Variants in CERS6 observed in about 807,000 individuals in gnomAD.
CERS6 encodes LAG1 homolog, ceramide synthase 6.
Under a neutral mutation model 56.8 loss-of-function variants are expected in CERS6, and 26 were observed. That is an observed-to-expected ratio of 0.46 (90% confidence interval 0.34 to 0.63). The LOEUF (loss-of-function observed/expected upper bound fraction) is 0.63, where lower values mean the gene tolerates loss of function less well. Ranked by LOEUF, CERS6 falls within the 30% of genes least tolerant of loss-of-function variation. The pLI is 0.01. For synonymous variants in CERS6, 164 were observed against 173.3 expected (o/e 0.95, Z 0.42); for missense variants, 415 against 467.5 (o/e 0.89, Z 1.04).
intron 8 of CERS6, among the ~76,000 whole-genome samples, chr2:168,758,278 C>T (rs531230856): frequency 6.6e-6 from 1 of 152,184 alleles, no homozygotes; most frequent in Non-Finnish European, 1.5e-5. Flanking sequence ...TGAAGTAAAC[C>T]ACACCCTAAT....
intron 3 of CERS6, among the ~76,000 whole-genome samples, chr2:168,626,377 T>C (rs75860291): frequency 0.017 from 2,617 of 152,234 alleles, 100 homozygotes; most frequent in East Asian, 0.16. Context: ...GCTGCCTCTG[T>C]AGTTTACAAT....
intron 4 of CERS6, chr2:168,644,369 G>C (rs1685121881): frequency 1.0e-6 from 1 of 984,888 alleles, no homozygotes; most frequent in African/African-American, 1.7e-5. Context: ...GGGGAAGAGA[G>C]GAGGCAGCAG....
intron 3 of CERS6, among the ~76,000 whole-genome samples, chr2:168,583,649 G>A (rs1363325503): frequency 6.6e-6 from 1 of 152,182 alleles, no homozygotes; most frequent in Non-Finnish European, 1.5e-5. Flanking sequence ...ACTATGAGAA[G>A]AAGATAATGA....
rs1485520182 is a variant in CERS6, at chr2:168,630,967, T to C, written c.408-18T>C. ...TATATAAACTGAATGTCACAGATTTTTTTTTAACCTTCTACAGGTGGAGAT... is the reference window on the plus strand; with the variant it reads ...TATATAAACTGAATGTCACAGATTTCTTTTTAACCTTCTACAGGTGGAGAT... On this transcript the variant is annotated intron_variant, in intron 3 of 9. Coordinates refer to ENST00000305747, the MANE Select transcript of CERS6 (RefSeq NM_203463.3). 3 of 1,334,536 alleles carry C rather than the reference T, an allele frequency of 2.2e-6. No individual in the cohort carries two copies. The highest frequency in any genetic ancestry group is 2.6e-5 in the South Asian group (2 of 76,838). 82.7% of individuals were successfully genotyped at this position (1,334,536 alleles called of 1,614,324 possible).
At chr2:168,475,505 T>TA (rs1320955022) in intron 1 of CERS6, among the ~76,000 whole-genome samples, 1 of 150,346 alleles carries the variant, frequency 6.7e-6, no homozygotes, top group African/African-American at 2.4e-5. Flanking sequence ...GTAGAGAACT[T>TA]ACTGCGTATG....
chr2:168,494,857 C>T (rs1013934231), intron 1 of CERS6, among the ~76,000 whole-genome samples: 1 of 152,090 alleles, frequency 6.6e-6, no homozygotes, highest in Non-Finnish European at 1.5e-5. Context: ...GCTTTGATTC[C>T]CTGTATGGCT....
rs192211513 is a variant in CERS6, at chr2:168,754,928, G to A, written c.846-10664G>A. Among the ~76,000 whole-genome samples the A allele has an allele frequency of 2.6e-5, 4 of 152,170 alleles. No individual in the cohort carries two copies. The East Asian group carries it at 7.7e-4, about 29-fold the overall frequency. ...GTAGCTGGGACTACAGGCATGTGCT[G>A]TCACACCCGGCTAATTTTTACTTTT... On this transcript the variant is annotated intron_variant, in intron 8 of 9. Transcript: ENST00000305747.
intron 5 of CERS6, among the ~76,000 whole-genome samples, chr2:168,694,307 A>G (rs1478136348): frequency 6.6e-6 from 1 of 152,194 alleles, no homozygotes; most frequent in African/African-American, 2.4e-5. Flanking sequence ...CCATTTTACA[A>G]ATAAGTAAAC....
At chr2:168,759,808 C>T (rs184366774) in intron 8 of CERS6, among the ~76,000 whole-genome samples, 72 of 151,834 alleles carry the variant, frequency 4.7e-4, no homozygotes, top group African/African-American at 1.5e-3. Context: ...AAATAAGATA[C>T]TTAAGGCCAT....
rs1684930672 is a variant in CERS6, at chr2:168,773,943, TTAGAGG to T, written c.*4285_*4290del. 6.6e-6 allele frequency: 1 copy of T among 152,156 alleles called. No homozygotes were observed. The highest frequency in any genetic ancestry group is 2.4e-5 in the African/African-American group (1 of 41,426). The allele number at this position is 152,156 out of a possible 1,614,324, so 9.4% of individuals were successfully genotyped here. A position where few individuals can be genotyped will look rare whatever the true frequency, so the allele number is the denominator to read the frequency against. On this transcript the variant is annotated 3_prime_UTR_variant, in exon 10 of 10. Coordinates refer to ENST00000305747, the MANE Select transcript of CERS6 (RefSeq NM_203463.3). The stretch of plus-strand genomic sequence containing the variant: ...CTGTTGGAACCCCTCCAATAAATAC[TTAGAGG>T]TAGTGTATCTGATGCTTGTTTTCGT...
At chr2:168,550,369 G>A (rs1558993770) in intron 2 of CERS6, among the ~76,000 whole-genome samples, 1 of 152,054 alleles carries the variant, frequency 6.6e-6, no homozygotes, top group African/African-American at 2.4e-5. Context: ...GGAGAGATAG[G>A]GCCTCACTAT....
chr2:168,604,682 TG>T (rs1235279219), intron 3 of CERS6, among the ~76,000 whole-genome samples: 10 of 152,092 alleles, frequency 6.6e-5, no homozygotes, highest in Admixed American at 6.5e-4. Flanking sequence ...GTATGGAGTA[TG>T]TGGCACCTCC....
intron 1 of CERS6, among the ~76,000 whole-genome samples, chr2:168,521,047 T>C (rs1694969044): frequency 6.6e-6 from 1 of 152,356 alleles, no homozygotes; most frequent in South Asian, 2.1e-4. Context: ...TATAGACATA[T>C]ACGTTTCTGT....
intron 8 of CERS6, among the ~76,000 whole-genome samples, chr2:168,737,389 C>T (rs1218228025): frequency 5.9e-5 from 9 of 152,174 alleles, no homozygotes; most frequent in African/African-American, 1.4e-4. Context: ...AAAAATTCTG[C>T]GGCGTCCTTT....
intron 3 of CERS6, among the ~76,000 whole-genome samples, chr2:168,618,221 C>T (rs1306589662): frequency 6.6e-6 from 1 of 152,068 alleles, no homozygotes; most frequent in African/African-American, 2.4e-5. Context: ...TGGCATTCAG[C>T]AGACATACCT....
intron 4 of CERS6, among the ~76,000 whole-genome samples, chr2:168,659,120 C>A (rs78451056): frequency 0.016 from 2,384 of 152,290 alleles, 62 homozygotes; most frequent in African/African-American, 0.053. Context: ...TATAAATTTT[C>A]TTCTTTACAG....
At chr2:168,753,430 G>A (rs976895469) in intron 8 of CERS6, among the ~76,000 whole-genome samples, 1 of 152,202 alleles carries the variant, frequency 6.6e-6, no homozygotes, top group African/African-American at 2.4e-5. Context: ...TGTGAAGCCT[G>A]CAAGAGCAAA....
At chr2:168,593,328 A>G (rs1683719143) in intron 3 of CERS6, among the ~76,000 whole-genome samples, 1 of 152,188 alleles carries the variant, frequency 6.6e-6, no homozygotes, top group Non-Finnish European at 1.5e-5. Flanking sequence ...CTGCCACATC[A>G]TTTGACCACA....
rs1280857093 is a variant in CERS6, at chr2:168,507,442, GTGTTT to G, written c.171-40153_171-40149del. 4.1e-3 allele frequency among the ~76,000 whole-genome samples: 624 copies of G among 152,110 alleles called. 6 individuals carry two copies. The highest frequency in any genetic ancestry group is 0.014 in the African/African-American group (592 of 41,494). The stretch of plus-strand genomic sequence containing the variant: ...TTTAAGTAGGATATAGATCCTTCTG[GTGTTT>G]CCTCATGACTGGGCTCAGTTAATGC... On this transcript the variant is annotated intron_variant, in intron 1 of 9. Transcript: ENST00000305747.
Sources: gnomAD v4.1 joint callset for allele counts (sites outside exome capture counted in the v4.1 genomes callset) on GRCh38, gnomAD v4.1.1 for gene constraint, MANE v1.5 for transcripts, NCBI Gene and HGNC (gene_info 2026-07-23, HGNC 2026-07-21) for gene names.